The following DKKL1 variants were observed in gnomAD, a reference collection of about 807,000 sequenced individuals.
DKKL1 encodes the protein dickkopf-like protein 1.
A neutral mutation model predicts 16.5 loss-of-function variants in DKKL1; 11 were observed. The observed-to-expected ratio is 0.67, with a 90% CI of 0.42 to 1.10. DKKL1 has a LOEUF of 1.10. Among genes scored for constraint, DKKL1 ranks in the 50% least tolerant of loss-of-function variants. The probability of loss-of-function intolerance (pLI) is 0.00; values close to 1 mark genes in which losing one functional copy is unlikely to be tolerated. For synonymous variants in DKKL1, 119 were observed against 133.2 expected, an observed-to-expected ratio of 0.89 and a Z score of 0.73; for missense variants, 320 against 308.1, an observed-to-expected ratio of 1.04 and a Z score of -0.29.
At chr19:49,367,952 G>A (rs12978488) in intron 4 of DKKL1, among the ~76,000 whole-genome samples, 30,386 of 151,986 alleles carry the variant, frequency 0.2, 3,427 homozygotes, top group Non-Finnish European at 0.25. Flanking sequence ...GAGGCAGGAG[G>A]ATGACTTGAG....
Position 49,374,902 on chromosome 19 carries a change from G to C in DKKL1, c.603G>C (p.Arg201=), listed in dbSNP as rs1371441981. Residue 201 remains arginine (R), a synonymous_variant, in exon 5 of 5, where the codon CGG becomes CGC. Transcript: ENST00000221498. ...SEKRHRLQAI[R]DGLRKGTHKD... ...AGCGACACCGCCTGCAGGCCATCCG[G>C]GATGGACTCCGCAAGGGGACCCACA... 4 of 1,613,948 alleles carry C rather than the reference G, an allele frequency of 2.5e-6. No individual in the cohort carries two copies. The highest frequency in any genetic ancestry group is 1.3e-5 in the African/African-American group (1 of 74,924).
In DKKL1 at chr19:49,363,894, C is replaced by A. The variant is rs2146755514; in HGVS notation, c.-105C>A. Reference sequence around the variant, plus strand: ...TCTAGACCAGACCTGGGCTCGAGACCATAACTGTTTGGCTTTAACAGTACG... The same window carrying A: ...TCTAGACCAGACCTGGGCTCGAGACAATAACTGTTTGGCTTTAACAGTACG... On this transcript the variant is annotated 5_prime_UTR_variant, in exon 1 of 5. Coordinates refer to ENST00000221498, the MANE Select transcript of DKKL1 (RefSeq NM_014419.4). 1 of 1,497,934 alleles carries A rather than the reference C, an allele frequency of 6.7e-7. No homozygotes were observed. Among genetic ancestry groups the A allele is most frequent in the Non-Finnish European group, 9.1e-7 (1 of 1,097,118 alleles). The allele number at this position is 1,497,934 out of a possible 1,614,324, so 92.8% of individuals were successfully genotyped here. A position where few individuals can be genotyped will look rare whatever the true frequency, so the allele number is the denominator to read the frequency against.
rs1973126320 is a variant in DKKL1 at position 49,363,919 on chromosome 19, G to C, written c.-80G>C. The C allele has an allele frequency of 1.3e-6, 2 of 1,586,162 alleles. No individual in the cohort carries two copies. Among genetic ancestry groups the C allele is most frequent in the African/African-American group, 1.3e-5 (1 of 74,386 alleles). Reference sequence around the variant, plus strand: ...CATAACTGTTTGGCTTTAACAGTACGTGGGCGGCCGGAATCCGGGAGTCCG... The same window carrying C: ...CATAACTGTTTGGCTTTAACAGTACCTGGGCGGCCGGAATCCGGGAGTCCG... On this transcript the variant is annotated 5_prime_UTR_variant, in exon 1 of 5. Coordinates refer to ENST00000221498, the MANE Select transcript of DKKL1 (RefSeq NM_014419.4).
In DKKL1 at chr19:49,375,102, C is replaced by T; in HGVS notation, c.*74C>T. ...CCAAGCACCATATGGAAATAAAGTT[C>T]TTTCTTACATCTAACAACACCATCT... On this transcript the variant is annotated 3_prime_UTR_variant, in exon 5 of 5. Coordinates refer to ENST00000221498, the MANE Select transcript of DKKL1 (RefSeq NM_014419.4). 1 of 1,456,694 alleles carries T rather than the reference C, an allele frequency of 6.9e-7. No individual in the cohort carries two copies. The highest frequency in any genetic ancestry group is 9.1e-7 in the Non-Finnish European group (1 of 1,093,066). 90.2% of individuals were successfully genotyped at this position (1,456,694 alleles called of 1,614,324 possible).
In DKKL1 at chr19:49,374,980, C is replaced by G. The variant is rs138698603; in HGVS notation, c.681C>G (p.Pro227=). 6.2e-7 allele frequency: 1 copy of G among 1,613,356 alleles called. No individual in the cohort carries two copies. Among genetic ancestry groups the G allele is most frequent in the Non-Finnish European group, 8.5e-7 (1 of 1,179,800 alleles). ...GCTCCTCCCACTCCAGGCTGTCCCC[C>G]CGAAAGACCCACTTACTGTACATCC... ...TESSSHSRLS[P]RKTHLLYILR... Residue 227 remains proline, a synonymous_variant, in exon 5 of 5, where the codon CCC becomes CCG. Coordinates refer to ENST00000221498, the MANE Select transcript of DKKL1 (RefSeq NM_014419.4).
At chr19:49,372,462 G>A (rs1386184443) in intron 4 of DKKL1, among the ~76,000 whole-genome samples, 1 of 152,140 alleles carries the variant, frequency 6.6e-6, no homozygotes, top group Non-Finnish European at 1.5e-5. Context: ...GGGAGACCGA[G>A]GCAGGCAGAT....
intron 4 of DKKL1, among the ~76,000 whole-genome samples, chr19:49,371,863 T>C (rs1171728907): frequency 4.0e-5 from 6 of 151,636 alleles, no homozygotes; most frequent in Admixed American, 1.3e-4. Context: ...AGTGATAACA[T>C]GCAGTATTTT....
chr19:49,373,900 C>T (rs1216993832), intron 4 of DKKL1, among the ~76,000 whole-genome samples: 1 of 151,958 alleles, frequency 6.6e-6, no homozygotes, highest in Non-Finnish European at 1.5e-5. Flanking sequence ...AACAGCAGCC[C>T]ACCCTTTGAA....
At position 49,365,590 on chromosome 19, in the gene DKKL1, G is replaced by T. The variant is rs748501492; in HGVS notation, c.265G>T (p.Glu89Ter). 1.9e-6 allele frequency: 3 copies of T among 1,613,902 alleles called. No homozygotes were observed. The Admixed American group carries it at 5.0e-5, about 27-fold the overall frequency. The change falls in exon 3 of 5, where the codon GAG (glutamate) becomes TAG (stop). Residue 89 changes from glutamate (E) to a stop codon, truncating the protein, a stop_gained. Transcript: ENST00000221498. LOFTEE classifies it high-confidence loss of function. Reference sequence around the variant, plus strand: ...CCTCCCTGGGAACTACCACAAAGAGGAGAACCAGGAGCACCAGCTGGGGAA... The same window carrying T: ...CCTCCCTGGGAACTACCACAAAGAGTAGAACCAGGAGCACCAGCTGGGGAA... ...RGLPGNYHKE[E>*]NQEHQLGNNT...
At chr19:49,370,593 C>T (rs1028749264) in intron 4 of DKKL1, 2 of 152,186 alleles carry the variant, frequency 1.3e-5, no homozygotes, top group African/African-American at 4.8e-5. Flanking sequence ...AAAAAGTTCC[C>T]ATGGAGGATA....
rs148116480 is a variant in DKKL1 at position 49,365,561 on chromosome 19, G to A, written c.236G>A (p.Arg79Gln). Residue 79 changes from arginine to glutamine, a missense_variant, in exon 3 of 5, where the codon CGG becomes CAG. Physicochemically the swap from Arg to Gln is conservative, Grantham distance 43. Coordinates refer to ENST00000221498, the MANE Select transcript of DKKL1 (RefSeq NM_014419.4). ...TTATTCTCTGCCCCCATGGACTTCC[G>A]GGGCCTCCCTGGGAACTACCACAAA... ...DSLFSAPMDF[R>Q]GLPGNYHKEE... 1.5e-3 allele frequency: 2,395 copies of A among 1,613,634 alleles called. 5 individuals are homozygous for A. The highest frequency in any genetic ancestry group is 2.0e-3 in the Non-Finnish European group (2,309 of 1,179,796).
chr19:49,368,504 T>G (rs143805299), intron 4 of DKKL1, among the ~76,000 whole-genome samples: 1 of 151,494 alleles, frequency 6.6e-6, no homozygotes, highest in Non-Finnish European at 1.5e-5. Flanking sequence ...AATAAATAAA[T>G]AAATAAATAA....
At chr19:49,366,089 G>A (rs945059992) in intron 4 of DKKL1, among the ~76,000 whole-genome samples, 1 of 152,032 alleles carries the variant, frequency 6.6e-6, no homozygotes, top group Admixed American at 6.6e-5. Context: ...CACCACGCCC[G>A]GCTAATTTTT....
Position 49,375,030 on chromosome 19 carries a change from G to T in DKKL1, c.*2G>T. The stretch of plus-strand genomic sequence containing the variant: ...CTCAGGCCCTCTCGGCAGCTGTAGG[G>T]GTGGGGACCGGGGAGCACCTGCCTG... On this transcript the variant is annotated 3_prime_UTR_variant, in exon 5 of 5. Transcript: ENST00000221498. 6.3e-7 allele frequency: 1 copy of T among 1,596,896 alleles called. No individual in the cohort carries two copies. The highest frequency in any genetic ancestry group is 8.5e-7 in the Non-Finnish European group (1 of 1,171,428).
intron 4 of DKKL1, among the ~76,000 whole-genome samples, chr19:49,372,544 A>G (rs919852888): frequency 2.6e-5 from 4 of 152,032 alleles, no homozygotes; most frequent in African/African-American, 9.7e-5. Flanking sequence ...ATACAAAAAA[A>G]TTAGCCAGGC....
At chr19:49,363,789 G>C (rs1403264570), upstream of DKKL1, 3 of 661,350 alleles carry the variant, frequency 4.5e-6, no homozygotes, top group South Asian at 1.7e-5. Flanking sequence ...AGAGGCCCGG[G>C]CTCCTGGGTG....
At position 49,367,626 on chromosome 19, in the gene DKKL1, G is replaced by T. The variant is rs1321642969; in HGVS notation, c.417+1741G>T. Among the ~76,000 whole-genome samples the T allele has an allele frequency of 7.2e-5, 11 of 151,940 alleles. No homozygotes were observed. In the East Asian group the frequency reaches 2.1e-3, roughly 30 times the overall value. ...TCATCATGTTGGCCAGACTGCTCTTGAACTCCTGACCTCAGGTGATCCAAC... is the reference window on the plus strand; with the variant it reads ...TCATCATGTTGGCCAGACTGCTCTTTAACTCCTGACCTCAGGTGATCCAAC... On this transcript the variant is annotated intron_variant, in intron 4 of 4. Coordinates refer to ENST00000221498, the MANE Select transcript of DKKL1 (RefSeq NM_014419.4).
At chr19:49,363,842 C>G, upstream of DKKL1, 5 of 1,069,334 alleles carry the variant, frequency 4.7e-6, no homozygotes, top group East Asian at 2.6e-5. Context: ...AGGGGCGTGG[C>G]TACGGCTCGC....
At position 49,366,707 on chromosome 19, in the gene DKKL1, T is replaced by A. The variant is rs995881954; in HGVS notation, c.417+822T>A. On this transcript the variant is annotated intron_variant, in intron 4 of 4. Coordinates refer to ENST00000221498, the MANE Select transcript of DKKL1 (RefSeq NM_014419.4). ...ATTTTTGGGGTTTTTTTTGTTTGTT[T>A]TTTTGGTTTTTTTTTTTGAGAATGG... 2.9e-5 allele frequency among the ~76,000 whole-genome samples: 3 copies of A among 105,028 alleles called. No individual in the cohort carries two copies. In the East Asian group the frequency reaches 7.6e-4, roughly 27 times the overall value. 68.9% of individuals were successfully genotyped at this position (105,028 alleles called of 152,430 possible).
Sources: gnomAD v4.1 joint callset for allele counts (sites outside exome capture counted in the v4.1 genomes callset) on GRCh38, gnomAD v4.1.1 for gene constraint, MANE v1.5 for transcripts, NCBI Gene and HGNC (gene_info 2026-07-23, HGNC 2026-07-21) for gene names.